Variants in EPHA2 observed in about 807,000 individuals in gnomAD.
The protein encoded by EPHA2 is ephrin type-A receptor 2.
Under a neutral mutation model 104.9 loss-of-function variants are expected in EPHA2, and 54 were observed. The observed-to-expected ratio is 0.51, with a 90% confidence interval of 0.41 to 0.65. The LOEUF (loss-of-function observed/expected upper bound fraction) is 0.65. Among genes scored for constraint, EPHA2 ranks in the 30% least tolerant of loss-of-function variants. EPHA2 has a pLI of 0.00. For synonymous variants in EPHA2, 560 were observed against 559.1 expected (o/e 1.00, Z -0.02); for missense variants, 1,117 against 1,369.5 (o/e 0.82, Z 2.91).
At chr1:16,133,950 G>A (rs908152151) in intron 8 of EPHA2, 35 bp from the exon 9 acceptor site, 15 of 1,548,416 alleles carry the variant, frequency 9.7e-6, no homozygotes, top group Middle Eastern at 1.7e-4. Context: ...AATGCAGGGA[G>A]GTCAGTGAGG....
rs771772851 is a variant in EPHA2, at chr1:16,148,461, C to T, written c.740G>A (p.Cys247Tyr). The T allele has an allele frequency of 1.2e-6, 2 of 1,613,932 alleles. No individual in the cohort carries two copies. The highest frequency in any genetic ancestry group is 1.7e-6 in the Non-Finnish European group (2 of 1,180,048). Residue 247 changes from cysteine (C) to tyrosine (Y), a missense_variant, in exon 3 of 17, where the codon TGT becomes TAT. Cys to Tyr is a radical substitution (Grantham distance 194, BLOSUM62 -2). This residue lies in a region of EPHA2 where 664 missense variants were observed against 784.8 expected (regional missense o/e 0.85). Transcript: ENST00000358432. The surrounding 1 kb of genome is among the most constrained non-coding windows in gnomAD (Gnocchi z 4.9). The part of the protein sequence containing the change: ...PPGGEEPRMH[C>Y]AVDGEWLVPI... ...CACCAGCCACTCGCCATCCACTGCA[C>T]AGTGCATACGGGGCTCTTCACCCCC...
intron 15 of EPHA2, 45 bp from the exon 16 acceptor site, chr1:16,129,634 C>T (rs2124193609): frequency 6.3e-7 from 1 of 1,575,770 alleles, no homozygotes; most frequent in South Asian, 1.1e-5. Flanking sequence ...GCACCCAGTC[C>T]ACCCTGGGCC....
At position 16,136,701 on chromosome 1, in the gene EPHA2, A is replaced by AGAG. The variant is rs1389583145; in HGVS notation, c.1313-932_1313-931insCTC. On this transcript the variant is annotated intron_variant, in intron 5 of 16. Coordinates refer to ENST00000358432, the MANE Select transcript of EPHA2 (RefSeq NM_004431.5). The stretch of plus-strand genomic sequence containing the variant: ...AGAAGAAAGAAGAAGAGGAAGAAGA[A>AGAG]GAAGAAGAAGAAAAGAAGAAGAAGA... Among the ~76,000 whole-genome samples, 181 of 96,730 alleles carry AGAG rather than the reference A, an allele frequency of 1.9e-3. 2 individuals are homozygous for AGAG. The Middle Eastern group carries it at 0.021, about 11-fold the overall frequency. 63.5% of individuals were successfully genotyped at this position (96,730 alleles called of 152,430 possible). A position where few individuals can be genotyped will look rare whatever the true frequency, so the allele number is the denominator to read the frequency against.
chr1:16,128,597 C>T lies in EPHA2; in HGVS notation c.2825+837G>A, dbSNP rs769754843. Among the ~76,000 whole-genome samples, 24 of 152,360 alleles carry T rather than the reference C, an allele frequency of 1.6e-4. 1 individual carries two copies. The South Asian group carries it at 2.1e-3, about 13-fold the overall frequency. Reference sequence around the variant, plus strand: ...CCATGCACAAGCTGGGTTGTTGAAACTGGCCACTATTTTTAGAGGCACAAA... The same window carrying T: ...CCATGCACAAGCTGGGTTGTTGAAATTGGCCACTATTTTTAGAGGCACAAA... On this transcript the variant is annotated intron_variant, in intron 16 of 16. Transcript: ENST00000358432. The surrounding 1 kb of genome is among the most constrained non-coding windows in gnomAD (Gnocchi z 4.7).
chr1:16,129,750 C>T (rs1283453340), intron 15 of EPHA2, among the ~76,000 whole-genome samples, 161 bp from the exon 16 acceptor site: 1 of 152,178 alleles, frequency 6.6e-6, no homozygotes, highest in Non-Finnish European at 1.5e-5. Context: ...TCAATGAGAC[C>T]TCCTGGCACG....
chr1:16,135,660 T>C lies in EPHA2; in HGVS notation c.1423A>G (p.Lys475Glu). 6.2e-7 allele frequency: 1 copy of C among 1,613,906 alleles called. No individual in the cohort carries two copies. Among genetic ancestry groups the C allele is most frequent in the Non-Finnish European group, 8.5e-7 (1 of 1,179,968 alleles). Residue 475 changes from lysine (K) to glutamate (E), a missense_variant, in exon 6 of 17, where the codon AAG (lysine) becomes GAG (glutamate). Around this residue, in one of 3 missense-constraint regions of EPHA2, gnomAD observed 664 missense variants for 784.8 expected, o/e 0.85. Transcript: ENST00000358432. This position sits in a 1 kb window ranked among gnomAD's most constrained non-coding sequence, Gnocchi z 4.3. ...RVWKYEVTYR[K>E]KGDSNSYNVR... ...CCCGCCCCTCTGGGAGTTACCTTCT[T>C]GCGGTAAGTGACCTCGTACTTCCAC...
chr1:16,151,270 A>G (rs939845895), intron 1 of EPHA2, among the ~76,000 whole-genome samples: 2 of 152,140 alleles, frequency 1.3e-5, no homozygotes, highest in Non-Finnish European at 2.9e-5. Flanking sequence ...AGAGCAGGCC[A>G]GGGAGCTCAG....
At position 16,134,143 on chromosome 1, in the gene EPHA2, A is replaced by G. The variant is rs1168913482; in HGVS notation, c.1683-228T>C. Among the ~76,000 whole-genome samples the G allele has an allele frequency of 6.6e-6, 1 of 152,116 alleles. No homozygotes were observed. The highest frequency in any genetic ancestry group is 2.4e-5 in the African/African-American group (1 of 41,422). On this transcript the variant is annotated intron_variant, in intron 8 of 16. Transcript: ENST00000358432. This position sits in a 1 kb window ranked among gnomAD's most constrained non-coding sequence, Gnocchi z 4.5. ...AGCCAGGACTCCCTCTCCAGGATCT[A>G]GGCCCCAGAATGGCCCCTTAAGCAG...
At chr1:16,136,402 C>G (rs2024684913) in intron 5 of EPHA2, among the ~76,000 whole-genome samples, 1 of 151,036 alleles carries the variant, frequency 6.6e-6, no homozygotes, top group Non-Finnish European at 1.5e-5. Context: ...GGAGGATTGC[C>G]TGAGGTTGGG....
chr1:16,144,179 C>T lies in EPHA2; in HGVS notation c.823+4199G>A, dbSNP rs546035685. ...GAGGGAGAAGCCGGTGCCCGCCCAG[C>T]GGAGATGCCAGCGCCTAGCTTTGCC... On this transcript the variant is annotated intron_variant, in intron 3 of 16. Transcript: ENST00000358432. Among the ~76,000 whole-genome samples, 21 of 152,242 alleles carry T rather than the reference C, an allele frequency of 1.4e-4. No homozygotes were observed. In the South Asian group the frequency reaches 2.1e-3, roughly 15 times the overall value.
In EPHA2 at chr1:16,131,520, C is replaced by A. The variant is rs1459914832; in HGVS notation, c.2475+201G>T. ...GCTTGAACCTGGGAGGTGGAGGTTG[C>A]AGTGAACTGAGATCATGCCAGTGAA... On this transcript the variant is annotated intron_variant, in intron 14 of 16. Transcript: ENST00000358432. This position sits in a 1 kb window ranked among gnomAD's most constrained non-coding sequence, Gnocchi z 5.2. Among the ~76,000 whole-genome samples the A allele has an allele frequency of 2.0e-5, 3 of 151,662 alleles. No homozygotes were observed. The highest frequency in any genetic ancestry group is 7.3e-5 in the African/African-American group (3 of 41,170).
chr1:16,139,512 C>A (rs2024782353), intron 3 of EPHA2, among the ~76,000 whole-genome samples: 1 of 152,210 alleles, frequency 6.6e-6, no homozygotes, highest in Non-Finnish European at 1.5e-5. Context: ...AACTCCTGAT[C>A]TCAGGGAGCA....
chr1:16,129,681 G>T, intron 15 of EPHA2, 92 bp from the exon 16 acceptor site: 3 of 1,472,046 alleles, frequency 2.0e-6, no homozygotes, highest in South Asian at 2.6e-5. Flanking sequence ...TGATTGACTC[G>T]GCTGCCCCGT....
intron 1 of EPHA2, chr1:16,153,247 C>T: frequency 1.0e-6 from 1 of 985,450 alleles, no homozygotes; most frequent in Non-Finnish European, 1.2e-6. Flanking sequence ...GCCACCCACT[C>T]CCGGTCTCCG....
At chr1:16,132,544 C>A in intron 11 of EPHA2, 105 bp from the exon 12 acceptor site, 1 of 1,280,456 alleles carries the variant, frequency 7.8e-7, no homozygotes, top group South Asian at 1.2e-5. Context: ...GAGGTGGGCA[C>A]AGGTGTGGGG....
At chr1:16,155,724 G>T in intron 1 of EPHA2, 124 bp downstream of exon 1, 1 of 749,470 alleles carries the variant, frequency 1.3e-6, no homozygotes, top group Non-Finnish European at 1.9e-6. Context: ...GCGCCCTCCG[G>T]ACTCCAGTTC....
rs559815042 is a variant in EPHA2 at position 16,150,107 on chromosome 1, G to GC, written c.153+788dup. Among the ~76,000 whole-genome samples, 106 of 152,148 alleles carry GC rather than the reference G, an allele frequency of 7.0e-4. 2 individuals carry two copies. The highest frequency in any genetic ancestry group is 1.1e-3 in the Non-Finnish European group (72 of 68,010). Reference sequence around the variant, plus strand: ...TCAGGGCTACACCCCAGCCAAGCCTGCCCAGAGCTAGGGTGACCGGGGACA... The same window carrying GC: ...TCAGGGCTACACCCCAGCCAAGCCTGCCCCAGAGCTAGGGTGACCGGGGACA... On this transcript the variant is annotated intron_variant, in intron 2 of 16. Coordinates refer to ENST00000358432, the MANE Select transcript of EPHA2 (RefSeq NM_004431.5). The surrounding 1 kb of genome is among the most constrained non-coding windows in gnomAD (Gnocchi z 4.8).
Position 16,134,710 on chromosome 1 carries a change from CAT to C in EPHA2, c.1583-145_1583-144del. ...CTCCAGAGGGTACTTAGTCCCATTT[CAT>C]AGACGGTCAAGCGGAGGCCTTCCCG... On this transcript the variant is annotated intron_variant, in intron 7 of 16. Coordinates refer to ENST00000358432, the MANE Select transcript of EPHA2 (RefSeq NM_004431.5). This position sits in a 1 kb window ranked among gnomAD's most constrained non-coding sequence, Gnocchi z 4.5. 1.1e-6 allele frequency: 1 copy of C among 938,810 alleles called. No individual in the cohort carries two copies. The highest frequency in any genetic ancestry group is 2.0e-5 in the Admixed American group (1 of 50,040). The allele number at this position is 938,810 out of a possible 1,614,324, so 58.2% of individuals were successfully genotyped here. A position where few individuals can be genotyped will look rare whatever the true frequency, so the allele number is the denominator to read the frequency against.
chr1:16,154,822 C>G (rs1308900795), intron 1 of EPHA2, among the ~76,000 whole-genome samples: 1 of 152,006 alleles, frequency 6.6e-6, no homozygotes, highest in Non-Finnish European at 1.5e-5. Context: ...CCCGGCTTCC[C>G]CCTTGTGGAG....
Sources: allele counts gnomAD v4.1 joint callset (sites outside exome capture counted in the v4.1 genomes callset), GRCh38; gene constraint gnomAD v4.1.1; regional missense constraint gnomAD v4.1.1; non-coding constraint Gnocchi (gnomAD v3.1); transcripts MANE v1.5; gene names NCBI Gene and HGNC (gene_info 2026-07-23, HGNC 2026-07-21).